PCSK5: variants seen among roughly 807,000 people sequenced by gnomAD.
PCSK5 encodes the protein prohormone convertase 5.
A neutral mutation model predicts 233.2 loss-of-function variants in PCSK5; 129 were observed. The ratio of observed to expected loss-of-function variants is 0.55; its 90% confidence interval spans 0.48 to 0.64. The LOEUF (loss-of-function observed/expected upper bound fraction) is 0.64. Among genes scored for constraint, PCSK5 ranks in the 30% least tolerant of loss-of-function variants. The probability of loss-of-function intolerance (pLI) is 0.00; values close to 1 mark genes in which losing one functional copy is unlikely to be tolerated. For missense variants in PCSK5, 2,076 were observed against 2,430.1 expected, an observed-to-expected ratio of 0.85 and a Z score of 3.06; for synonymous variants, 825 against 879.2, an observed-to-expected ratio of 0.94 and a Z score of 1.09.
chr9:75,896,211 C>T (rs1449226488), intron 1 of PCSK5, among the ~76,000 whole-genome samples: 1 of 152,170 alleles, frequency 6.6e-6, no homozygotes. Context: ...AAAAACAATT[C>T]AGAGTGCATG....
At chr9:76,145,477 C>A (rs544941297) in intron 10 of PCSK5, among the ~76,000 whole-genome samples, 1 of 152,276 alleles carries the variant, frequency 6.6e-6, no homozygotes, top group South Asian at 2.1e-4. Context: ...ACCACCTCCC[C>A]CCCAGCTCAT....
chr9:75,917,472 C>T (rs889158376), intron 1 of PCSK5, among the ~76,000 whole-genome samples: 7 of 152,214 alleles, frequency 4.6e-5, no homozygotes, highest in Admixed American at 3.9e-4. Context: ...TTTGAGCATG[C>T]ATCTGCTGAA....
rs559267531 is a variant in PCSK5, at chr9:76,211,494, T to G, written c.2627-16009T>G. Reference sequence around the variant, plus strand: ...CATAAGTGGAGACTGGTTTGTCTGATAGTCAATTGAAGAAACTTTCTTGAG... The same window carrying G: ...CATAAGTGGAGACTGGTTTGTCTGAGAGTCAATTGAAGAAACTTTCTTGAG... On this transcript the variant is annotated intron_variant, in intron 20 of 37. Transcript: ENST00000674117. Among the ~76,000 whole-genome samples, 373 of 152,338 alleles carry G rather than the reference T, an allele frequency of 2.4e-3. 1 individual carries two copies. The highest frequency in any genetic ancestry group is 8.3e-3 in the African/African-American group (346 of 41,580).
chr9:76,125,011 C>CT (rs1345776425), intron 9 of PCSK5, among the ~76,000 whole-genome samples: 3 of 152,002 alleles, frequency 2.0e-5, no homozygotes, highest in African/African-American at 2.4e-5. Flanking sequence ...GGACTCTTCT[C>CT]TTTTTTCTCA....
chr9:76,046,981 A>C (rs1829436929), intron 5 of PCSK5, among the ~76,000 whole-genome samples: 1 of 152,230 alleles, frequency 6.6e-6, no homozygotes, highest in Non-Finnish European at 1.5e-5. Flanking sequence ...AGCAGACATA[A>C]TGGCTTCCAG....
At chr9:76,322,097 G>A (rs747480644) in intron 31 of PCSK5, among the ~76,000 whole-genome samples, 5 of 151,858 alleles carry the variant, frequency 3.3e-5, no homozygotes, top group Non-Finnish European at 7.4e-5. Context: ...TTACAGGCAC[G>A]CTCCACCACG....
chr9:76,165,256 T>C (rs1330911022), intron 12 of PCSK5, among the ~76,000 whole-genome samples: 1 of 152,198 alleles, frequency 6.6e-6, no homozygotes, highest in Non-Finnish European at 1.5e-5. Flanking sequence ...GCCTGATGTC[T>C]AGTTCTGTAG....
Position 76,234,201 on chromosome 9 carries a change from T to C in PCSK5, c.2866+605T>C, listed in dbSNP as rs1005020707. ...TCATGTGGGCCAGATTCATATTTTA[T>C]TTTTTTCTATATACTACTTTTTAAA... is the stretch of plus-strand genomic sequence containing the variant. On this transcript the variant is annotated intron_variant, in intron 22 of 37. Transcript: ENST00000674117. Among the ~76,000 whole-genome samples, 5 of 152,306 alleles carry C rather than the reference T, an allele frequency of 3.3e-5. No individual in the cohort carries two copies. The South Asian group carries it at 1.0e-3, about 32-fold the overall frequency.
At chr9:76,077,264 C>G (rs1364753698) in intron 7 of PCSK5, among the ~76,000 whole-genome samples, 1 of 152,094 alleles carries the variant, frequency 6.6e-6, no homozygotes, top group African/African-American at 2.4e-5. Flanking sequence ...TTCACTGGAC[C>G]TTACCCCATG....
intron 19 of PCSK5, 94 bp from the exon 20 acceptor site, chr9:76,189,537 A>ATAATT (rs1824264731): frequency 3.9e-6 from 3 of 779,114 alleles, no homozygotes; most frequent in Non-Finnish European, 6.5e-6. Flanking sequence ...CTTCAGAGGG[A>ATAATT]TAATTAAATG....
chr9:76,258,441 G>A (rs1827053511), intron 24 of PCSK5, among the ~76,000 whole-genome samples: 1 of 152,194 alleles, frequency 6.6e-6, no homozygotes, highest in Admixed American at 6.5e-5. Flanking sequence ...GGAAAGCCTA[G>A]TGCAATCATG....
chr9:76,264,473 C>G (rs1412276703), intron 24 of PCSK5, among the ~76,000 whole-genome samples: 1 of 152,012 alleles, frequency 6.6e-6, no homozygotes, highest in Non-Finnish European at 1.5e-5. Context: ...TAATTAAACT[C>G]AAGAACTTCT....
At chr9:76,061,965 G>A (rs1471410143) in intron 5 of PCSK5, among the ~76,000 whole-genome samples, 2 of 152,170 alleles carry the variant, frequency 1.3e-5, no homozygotes, top group South Asian at 2.1e-4. Context: ...ATAATTATGA[G>A]TACATCAAAA....
At chr9:76,237,171 G>T (rs1254299674) in intron 22 of PCSK5, among the ~76,000 whole-genome samples, 3 of 152,210 alleles carry the variant, frequency 2.0e-5, no homozygotes, top group Non-Finnish European at 4.4e-5. Context: ...AACTTGGAAG[G>T]ATGACCCTCT....
rs140154837 is a variant in PCSK5, at chr9:76,320,465, CTT to C, written c.3885-937_3885-936del. Among the ~76,000 whole-genome samples the C allele has an allele frequency of 2.2e-4, 22 of 102,004 alleles. 1 individual carries two copies. The highest frequency in any genetic ancestry group is 3.5e-4 in the African/African-American group (9 of 25,904). 66.9% of individuals were successfully genotyped at this position (102,004 alleles called of 152,430 possible). On this transcript the variant is annotated intron_variant, in intron 30 of 37. Transcript: ENST00000674117. ...AAGAAAAAAAAAAAGTACATTGTAG[CTT>C]TTTTTTTTTTTTTTTTTTTGAGACA...
chr9:75,913,388 C>G (rs1373169562), intron 1 of PCSK5, among the ~76,000 whole-genome samples: 1 of 152,160 alleles, frequency 6.6e-6, no homozygotes, highest in Non-Finnish European at 1.5e-5. Context: ...TTTACATAGC[C>G]ACACATATAT....
At chr9:75,993,917 C>A (rs560933033) in intron 3 of PCSK5, among the ~76,000 whole-genome samples, 3 of 152,268 alleles carry the variant, frequency 2.0e-5, no homozygotes, top group East Asian at 1.9e-4. Flanking sequence ...TACCATATAC[C>A]AAAATTCCAC....
intron 30 of PCSK5, among the ~76,000 whole-genome samples, chr9:76,320,132 A>C (rs1203506430): frequency 6.6e-6 from 1 of 151,924 alleles, no homozygotes; most frequent in Non-Finnish European, 1.5e-5. Flanking sequence ...TTTTCTCTTT[A>C]TCTCTTTGTC....
chr9:76,271,511 T>C (rs928322711), intron 24 of PCSK5, among the ~76,000 whole-genome samples: 38 of 152,160 alleles, frequency 2.5e-4, no homozygotes, highest in African/African-American at 9.2e-4. Flanking sequence ...TACATTTTAG[T>C]TTCCCAGAGC....
Sources: gnomAD v4.1 joint callset for allele counts (sites outside exome capture counted in the v4.1 genomes callset) on GRCh38, gnomAD v4.1.1 for gene constraint, MANE v1.5 for transcripts, NCBI Gene and HGNC (gene_info 2026-07-23, HGNC 2026-07-21) for gene names.